BTAF1: variants seen among roughly 807,000 people sequenced by gnomAD.
BTAF1 encodes TATA-binding protein-associated factor 172.
BTAF1 carries 38 observed loss-of-function variants against 227.1 expected under a neutral mutation model. That is an observed-to-expected ratio of 0.17 (90% CI 0.13 to 0.22). BTAF1 has a LOEUF of 0.22. Among genes scored for constraint, BTAF1 ranks in the 10% least tolerant of loss-of-function variants. BTAF1 has a pLI of 1.00. For missense variants in BTAF1, 1,598 were observed against 2,204.0 expected (o/e 0.73, Z 5.51); for synonymous variants, 742 against 751.9 (o/e 0.99, Z 0.21).
Position 91,997,903 on chromosome 10 carries a change from G to A in BTAF1, c.3660+152G>A, listed in dbSNP as rs571270671. On this transcript the variant is annotated intron_variant, in intron 25 of 37. Coordinates refer to ENST00000265990, the MANE Select transcript of BTAF1 (RefSeq NM_003972.3). ...GTGGGTGGATCATCTGAGGTCAGGA[G>A]TTTGAGTCCAGCCTGGCCAACATGG... 112 of 699,568 alleles carry A rather than the reference G, an allele frequency of 1.6e-4. No homozygotes were observed. In the African/African-American group the frequency reaches 1.9e-3, roughly 12 times the overall value. 43.3% of individuals were successfully genotyped at this position (699,568 alleles called of 1,614,324 possible).
chr10:91,929,891 G>A (rs1374176037), intron 1 of BTAF1, among the ~76,000 whole-genome samples: 1 of 151,866 alleles, frequency 6.6e-6, no homozygotes. Context: ...GATGACAGAA[G>A]GAACTATTGT....
rs138546512 is a variant in BTAF1, at chr10:91,993,839, A to C, written c.3191A>C (p.Asn1064Thr). 300 of 1,592,458 alleles carry C rather than the reference A, an allele frequency of 1.9e-4. No homozygotes were observed. Among genetic ancestry groups the C allele is most frequent in the Admixed American group, 3.5e-4 (20 of 57,936 alleles). The change falls in exon 22 of 38, where the codon AAT becomes ACT. Residue 1064 changes from asparagine (N) to threonine (T), a missense_variant. Transcript: ENST00000265990. ...CCATTGAGGAATACAATCGACATAA[A>C]TAATTTTGGTATACACATATTTTTA... The part of the protein sequence containing the change: ...VGPLRNTIDI[N>T]NFDGKSLLDK...
At position 91,959,072 on chromosome 10, in the gene BTAF1, A is replaced by G; in HGVS notation, c.908A>G (p.His303Arg). Reference sequence around the variant, plus strand: ...CTTCTTTGTTCTTTTCAGGTTCGACATGGTGCAGGCACTGGACTTAGGGAA... The same window carrying G: ...CTTCTTTGTTCTTTTCAGGTTCGACGTGGTGCAGGCACTGGACTTAGGGAA... Reference protein sequence around the residue: ...DLFNPSWEVRHGAGTGLREIL... With the variant: ...DLFNPSWEVRRGAGTGLREIL... The change falls in exon 9 of 38, where the codon CAT becomes CGT. Residue 303 changes from histidine (H) to arginine (R), a missense_variant. Around this residue, in one of 10 missense-constraint regions of BTAF1, gnomAD observed 298 missense variants for 395.2 expected, o/e 0.75. Coordinates refer to ENST00000265990, the MANE Select transcript of BTAF1 (RefSeq NM_003972.3). 1 of 1,613,826 alleles carries G rather than the reference A, an allele frequency of 6.2e-7. No homozygotes were observed.
intron 9 of BTAF1, 156 bp downstream of exon 9, chr10:91,959,310 T>C: frequency 1.4e-6 from 2 of 1,414,158 alleles, no homozygotes; most frequent in Non-Finnish European, 1.8e-6. Context: ...GATTGAAAAG[T>C]AGAGTAAGAT....
intron 15 of BTAF1, among the ~76,000 whole-genome samples, chr10:91,980,777 G>A (rs1848008775): frequency 6.6e-6 from 1 of 152,066 alleles, no homozygotes; most frequent in Admixed American, 6.6e-5. Flanking sequence ...GACTTACACA[G>A]GTGTTTTAAG....
intron 36 of BTAF1, 29 bp downstream of exon 36, chr10:92,026,780 T>C: frequency 6.3e-7 from 1 of 1,598,844 alleles, no homozygotes; most frequent in South Asian, 1.1e-5. Context: ...TCACAGATGT[T>C]AACCTGTGCA....
chr10:91,973,119 A>G (rs1229472224), intron 14 of BTAF1, among the ~76,000 whole-genome samples: 1 of 152,184 alleles, frequency 6.6e-6, no homozygotes, highest in Non-Finnish European at 1.5e-5. Flanking sequence ...AAGTATTCCT[A>G]ATTAGTCAGC....
intron 14 of BTAF1, among the ~76,000 whole-genome samples, chr10:91,979,505 C>T (rs1342129230): frequency 3.3e-5 from 5 of 152,126 alleles, no homozygotes; most frequent in African/African-American, 1.2e-4. Context: ...CTAACTTAAA[C>T]ATTTATTATC....
At chr10:92,015,898 G>A (rs1422845665) in intron 32 of BTAF1, among the ~76,000 whole-genome samples, 2 of 152,142 alleles carry the variant, frequency 1.3e-5, no homozygotes, top group Non-Finnish European at 2.9e-5. Context: ...TAACATTCTT[G>A]TAAAATTTGG....
chr10:92,021,401 A>G (rs1033783961), intron 34 of BTAF1, among the ~76,000 whole-genome samples: 71 of 152,342 alleles, frequency 4.7e-4, no homozygotes, highest in African/African-American at 1.7e-3. Flanking sequence ...CAAATTCACT[A>G]TAAGAACGGT....
chr10:91,936,275 A>G (rs1271328742), intron 2 of BTAF1, among the ~76,000 whole-genome samples: 1 of 152,154 alleles, frequency 6.6e-6, no homozygotes, highest in Non-Finnish European at 1.5e-5. Flanking sequence ...TAAACTCTGT[A>G]TGCGTATTGA....
intron 34 of BTAF1, among the ~76,000 whole-genome samples, chr10:92,024,422 TG>T (rs1399588557): frequency 5.9e-5 from 9 of 152,166 alleles, no homozygotes; most frequent in Non-Finnish European, 1.0e-4. Flanking sequence ...TGGTGGCTCA[TG>T]CCTATAATCC....
At chr10:91,942,652 C>T (rs1279884555) in intron 4 of BTAF1, 84 bp downstream of exon 4, 11 of 1,389,792 alleles carry the variant, frequency 7.9e-6, no homozygotes, top group Middle Eastern at 1.8e-4. Flanking sequence ...ATTAGTCACA[C>T]GTAAACTAAC....
intron 25 of BTAF1, among the ~76,000 whole-genome samples, chr10:92,003,282 T>C (rs943287541): frequency 3.9e-5 from 6 of 152,226 alleles, no homozygotes; most frequent in Admixed American, 3.3e-4. Flanking sequence ...TTTAATCTTT[T>C]AGCAGCTTTC....
Position 92,024,936 on chromosome 10 carries a change from C to T in BTAF1, c.5044C>T (p.Pro1682Ser), listed in dbSNP as rs774292625. ...TTATTTGAGATTAGATGGCAGCATA[C>T]CTCCTGGTCAGAGGCATTCCATTGT... The part of the protein sequence containing the change: ...VTYLRLDGSI[P>S]PGQRHSIVSR... The change falls in exon 35 of 38, where the codon CCT becomes TCT. Residue 1682 changes from proline (P) to serine (S), a missense_variant. Transcript: ENST00000265990. 9 of 1,613,922 alleles carry T rather than the reference C, an allele frequency of 5.6e-6. 1 individual carries two copies. In the African/African-American group the frequency reaches 1.2e-4, roughly 22 times the overall value.
intron 25 of BTAF1, among the ~76,000 whole-genome samples, chr10:92,004,964 T>C (rs1849780819): frequency 6.6e-6 from 1 of 152,226 alleles, no homozygotes; most frequent in Admixed American, 6.5e-5. Context: ...CTTCTGCATG[T>C]GAATATCCAG....
At chr10:91,924,195 G>T (rs1843669924) in intron 1 of BTAF1, 105 bp downstream of exon 1, 5 of 1,446,594 alleles carry the variant, frequency 3.5e-6, no homozygotes, top group African/African-American at 1.5e-5. Flanking sequence ...TTGTCACTGG[G>T]CTCTGGAGCT....
chr10:91,936,273 G>A lies in BTAF1; in HGVS notation c.138+493G>A, dbSNP rs114737471. On this transcript the variant is annotated intron_variant, in intron 2 of 37. Transcript: ENST00000265990. ...AACTGCTGTATTTTTACTAAACTCT[G>A]TATGCGTATTGAAGTGTACCTGTAT... is the stretch of plus-strand genomic sequence containing the variant. 3.6e-3 allele frequency among the ~76,000 whole-genome samples: 548 copies of A among 152,230 alleles called. 4 individuals carry two copies. Among genetic ancestry groups the A allele is most frequent in the Middle Eastern group, 0.017 (5 of 294 alleles).
intron 1 of BTAF1, among the ~76,000 whole-genome samples, chr10:91,929,164 A>G (rs1369801087): frequency 6.6e-6 from 1 of 152,132 alleles, no homozygotes; most frequent in East Asian, 1.9e-4. Flanking sequence ...ACCATGACTT[A>G]ATACAATTTT....
Sources: allele counts gnomAD v4.1 joint callset (sites outside exome capture counted in the v4.1 genomes callset), GRCh38; gene constraint gnomAD v4.1.1; regional missense constraint gnomAD v4.1.1; transcripts MANE v1.5; gene names NCBI Gene and HGNC (gene_info 2026-07-23, HGNC 2026-07-21).